Variants in SPON1 observed in about 807,000 individuals in gnomAD.
SPON1 encodes spondin-1.
In SPON1, 52 loss-of-function variants were observed where a neutral mutation model predicts 111.7. That is an observed-to-expected ratio of 0.47 (90% confidence interval 0.37 to 0.59). SPON1 has a LOEUF of 0.59. Among genes scored for constraint, SPON1 ranks in the 20% least tolerant of loss-of-function variants. The pLI is 0.00. For missense variants in SPON1, 957 were observed against 1,068.5 expected (o/e 0.90, Z 1.46); for synonymous variants, 410 against 395.8 (o/e 1.04, Z -0.43).
At chr11:14,097,594 A>G (rs1192633104) in intron 5 of SPON1, among the ~76,000 whole-genome samples, 1 of 152,094 alleles carries the variant, frequency 6.6e-6, no homozygotes, top group Non-Finnish European at 1.5e-5. Flanking sequence ...CTTGGGTTAC[A>G]TAAGTAATCA....
chr11:14,174,474 A>G (rs1423437532), intron 6 of SPON1, among the ~76,000 whole-genome samples: 2 of 152,192 alleles, frequency 1.3e-5, no homozygotes, highest in African/African-American at 2.4e-5. Context: ...GCAAAACAGA[A>G]CACAGCCTTT....
rs544397975 is a variant in SPON1 at position 14,027,699 on chromosome 11, G to T, written c.346-13822G>T. On this transcript the variant is annotated intron_variant, in intron 2 of 15. Coordinates refer to ENST00000576479, the MANE Select transcript of SPON1 (RefSeq NM_006108.4). ...CTCAGGCGGAGCAGGATAGAGAGAT[G>T]TATGTTTTGCTGAGCTGATCATAAA... 3.3e-5 allele frequency among the ~76,000 whole-genome samples: 5 copies of T among 152,338 alleles called. No individual in the cohort carries two copies. The East Asian group carries it at 5.8e-4, about 18-fold the overall frequency.
At chr11:14,264,485 T>A (rs1014252159) in intron 15 of SPON1, among the ~76,000 whole-genome samples, 9 of 152,152 alleles carry the variant, frequency 5.9e-5, no homozygotes, top group Non-Finnish European at 1.2e-4. Flanking sequence ...GATTAACATG[T>A]ACATCAAGTT....
At chr11:14,031,579 G>A (rs992955266) in intron 2 of SPON1, among the ~76,000 whole-genome samples, 1 of 151,894 alleles carries the variant, frequency 6.6e-6, no homozygotes, top group African/African-American at 2.4e-5. Context: ...AACAAAATCA[G>A]TACCGCTATT....
At chr11:14,116,015 G>A (rs1202162179) in intron 5 of SPON1, among the ~76,000 whole-genome samples, 2 of 152,118 alleles carry the variant, frequency 1.3e-5, no homozygotes, top group East Asian at 3.8e-4. Context: ...TGCCTAGTGT[G>A]TTGTCATTGA....
At chr11:14,096,457 G>A (rs1163852601) in intron 5 of SPON1, among the ~76,000 whole-genome samples, 2 of 152,182 alleles carry the variant, frequency 1.3e-5, no homozygotes, top group East Asian at 3.9e-4. Context: ...TGACGTCGAG[G>A]GATCTCATCA....
At chr11:13,994,676 A>C (rs1564881570) in intron 2 of SPON1, among the ~76,000 whole-genome samples, 1 of 152,254 alleles carries the variant, frequency 6.6e-6, no homozygotes, top group South Asian at 2.1e-4. Context: ...CGAGTACAAG[A>C]TGAGAGATTT....
intron 6 of SPON1, among the ~76,000 whole-genome samples, chr11:14,165,676 A>G (rs927350356): frequency 6.6e-6 from 1 of 152,020 alleles, no homozygotes; most frequent in Non-Finnish European, 1.5e-5. Flanking sequence ...TGCAGAAAAA[A>G]CCTCAAGAAC....
chr11:14,108,685 T>C (rs1461839989), intron 5 of SPON1, among the ~76,000 whole-genome samples: 2 of 152,080 alleles, frequency 1.3e-5, no homozygotes, highest in Non-Finnish European at 2.9e-5. Context: ...ATAAAATATA[T>C]CCATTTCAGC....
intron 6 of SPON1, among the ~76,000 whole-genome samples, chr11:14,194,174 A>G (rs965142490): frequency 6.6e-6 from 1 of 152,158 alleles, no homozygotes; most frequent in Non-Finnish European, 1.5e-5. Context: ...CTTTCCACTC[A>G]TCCCTCACTG....
At chr11:14,098,027 G>T (rs1013608152) in intron 5 of SPON1, among the ~76,000 whole-genome samples, 1 of 151,998 alleles carries the variant, frequency 6.6e-6, no homozygotes, top group Non-Finnish European at 1.5e-5. Context: ...ACGGAGTCTC[G>T]CTCTGTCGCC....
chr11:14,226,539 G>C (rs548015474), intron 6 of SPON1, among the ~76,000 whole-genome samples: 3 of 152,084 alleles, frequency 2.0e-5, no homozygotes, highest in South Asian at 4.1e-4. Context: ...CCTCAGAAAA[G>C]GTCAAAATTC....
chr11:14,105,359 G>C (rs1221579788), intron 5 of SPON1, among the ~76,000 whole-genome samples: 1 of 151,752 alleles, frequency 6.6e-6, no homozygotes, highest in Non-Finnish European at 1.5e-5. Flanking sequence ...TTTTTTCCTA[G>C]TTCATTTTCT....
In SPON1 at chr11:14,020,747, G is replaced by A. The variant is rs148676280; in HGVS notation, c.346-20774G>A. Among the ~76,000 whole-genome samples, 57 of 152,316 alleles carry A rather than the reference G, an allele frequency of 3.7e-4. No homozygotes were observed. In the East Asian group the frequency reaches 0.01, roughly 27 times the overall value. On this transcript the variant is annotated intron_variant, in intron 2 of 15. Coordinates refer to ENST00000576479, the MANE Select transcript of SPON1 (RefSeq NM_006108.4). The stretch of plus-strand genomic sequence containing the variant: ...TCTTGGCAGTGGAATACCAGGAACA[G>A]TAGAAAAGAACTGAAGTTCTGGAGT...
intron 1 of SPON1, among the ~76,000 whole-genome samples, chr11:13,974,171 G>A (rs1848084739): frequency 6.6e-6 from 1 of 152,192 alleles, no homozygotes. Flanking sequence ...TGGAAGTTGT[G>A]CAGAATAGAA....
chr11:14,026,579 G>T (rs1475639947), intron 2 of SPON1, among the ~76,000 whole-genome samples: 1 of 152,158 alleles, frequency 6.6e-6, no homozygotes, highest in Non-Finnish European at 1.5e-5. Context: ...AAGGCGAGGG[G>T]GTGGGGGAAA....
intron 6 of SPON1, among the ~76,000 whole-genome samples, chr11:14,193,921 G>A (rs1396173850): frequency 6.6e-6 from 1 of 152,200 alleles, no homozygotes; most frequent in Non-Finnish European, 1.5e-5. Context: ...CTGCTTCCCT[G>A]AGGAGCTCAC....
intron 2 of SPON1, among the ~76,000 whole-genome samples, chr11:14,020,723 C>G (rs1347490845): frequency 6.6e-6 from 1 of 152,190 alleles, no homozygotes; most frequent in African/African-American, 2.4e-5. Context: ...GGTAGTACAT[C>G]TTGGCAGTGG....
chr11:14,166,463 T>A (rs1165484006), intron 6 of SPON1, among the ~76,000 whole-genome samples: 1 of 152,130 alleles, frequency 6.6e-6, no homozygotes, highest in African/African-American at 2.4e-5. Context: ...ACACATTAGC[T>A]CTCCATGAGA....
Sources: allele counts gnomAD v4.1 joint callset (sites outside exome capture counted in the v4.1 genomes callset), GRCh38; gene constraint gnomAD v4.1.1; transcripts MANE v1.5; gene names NCBI Gene and HGNC (gene_info 2026-07-23, HGNC 2026-07-21).